The following UGT1A9 variants were observed in gnomAD, a reference collection of about 807,000 sequenced individuals.
The protein encoded by UGT1A9 is UDP-glucuronosyltransferase 1A9.
In UGT1A9, 35 loss-of-function variants were observed where a neutral mutation model predicts 45.0. The ratio of observed to expected loss-of-function variants is 0.78; its 90% CI spans 0.59 to 1.03. The LOEUF is 1.03. UGT1A9 is among the 50% of genes least tolerant of loss of function. UGT1A9 has a pLI of 0.00. For missense variants in UGT1A9, 687 were observed against 666.6 expected (o/e 1.03, Z -0.34); for synonymous variants, 278 against 250.6 (o/e 1.11, Z -1.03).
intron 1 of UGT1A9, chr2:233,689,912 C>T (rs1381963555): frequency 1.1e-5 from 5 of 456,566 alleles, no homozygotes; most frequent in Admixed American, 2.3e-5. Context: ...CAGGTAGGTG[C>T]CTGGAATTTC....
intron 1 of UGT1A9, among the ~76,000 whole-genome samples, chr2:233,732,486 A>G (rs780972639): frequency 6.6e-6 from 1 of 152,226 alleles, no homozygotes; most frequent in Non-Finnish European, 1.5e-5. Context: ...TAATTTTTGT[A>G]TAAGGCGTAA....
At chr2:233,693,048 T>C in intron 1 of UGT1A9, 1 of 1,614,120 alleles carries the variant, frequency 6.2e-7, no homozygotes, top group Non-Finnish European at 8.5e-7. Context: ...TCTGCAGGGG[T>C]TTTCTTCTTA....
intron 1 of UGT1A9, chr2:233,690,535 C>T (rs145397540): frequency 7.8e-7 from 1 of 1,289,774 alleles, no homozygotes; most frequent in African/African-American, 1.5e-5. Flanking sequence ...ACTTCTTTCA[C>T]CCCACTGGAA....
chr2:233,757,537 T>TATATATACATATACATATAC (rs1472416448), intron 1 of UGT1A9, among the ~76,000 whole-genome samples: 1 of 107,778 alleles, frequency 9.3e-6, no homozygotes, highest in African/African-American at 4.7e-5. Flanking sequence ...CTGTAAGGAA[T>TATATATACATATACATATAC]ATATATATAT....
At chr2:233,760,288 A>T (rs1697385056) in intron 1 of UGT1A9, 1 of 1,613,272 alleles carries the variant, frequency 6.2e-7, no homozygotes, top group East Asian at 2.2e-5. Flanking sequence ...CAAAGGCGCC[A>T]TGGCTGTGGA....
Position 233,719,442 on chromosome 2 carries a change from C to A in UGT1A9, c.855+46653C>A, listed in dbSNP as rs1309137091. Reference sequence around the variant, plus strand: ...GACCAATTCAGACCACATGACATTCCTGCAAAGGGTCAAGAACATGCTCTA... The same window carrying A: ...GACCAATTCAGACCACATGACATTCATGCAAAGGGTCAAGAACATGCTCTA... On this transcript the variant is annotated intron_variant, in intron 1 of 4. Coordinates refer to ENST00000354728, the MANE Select transcript of UGT1A9 (RefSeq NM_021027.3). The A allele has an allele frequency of 1.5e-5, 25 of 1,613,838 alleles. No individual in the cohort carries two copies. The East Asian group carries it at 1.6e-4, about 10-fold the overall frequency.
rs1282215739 is a variant in UGT1A9 at position 233,675,414 on chromosome 2, G to A, written c.855+2625G>A. On this transcript the variant is annotated intron_variant, in intron 1 of 4. Coordinates refer to ENST00000354728, the MANE Select transcript of UGT1A9 (RefSeq NM_021027.3). ...TTTGAATTTTTGATGAGTTCCAACA[G>A]AATTAATGACTGGTTTTAGGTGAAA... is the stretch of plus-strand genomic sequence containing the variant. Among the ~76,000 whole-genome samples, 6 of 152,160 alleles carry A rather than the reference G, an allele frequency of 3.9e-5. No individual in the cohort carries two copies. In the East Asian group the frequency reaches 1.2e-3, roughly 29 times the overall value.
intron 1 of UGT1A9, among the ~76,000 whole-genome samples, chr2:233,726,737 G>T (rs1199458141): frequency 6.6e-6 from 1 of 152,134 alleles, no homozygotes; most frequent in Non-Finnish European, 1.5e-5. Flanking sequence ...TACTTTTGTG[G>T]GGCTGTGATT....
intron 1 of UGT1A9, among the ~76,000 whole-genome samples, chr2:233,751,496 T>G (rs189001401): frequency 2.2e-4 from 34 of 152,268 alleles, no homozygotes; most frequent in African/African-American, 7.9e-4. Context: ...GACATGAGAT[T>G]TGGGAGGGGC....
intron 1 of UGT1A9, among the ~76,000 whole-genome samples, chr2:233,739,652 T>C: frequency 6.6e-6 from 1 of 152,236 alleles, no homozygotes; most frequent in African/African-American, 2.4e-5. Context: ...CCAATTTCTG[T>C]ACCCCCATTG....
chr2:233,761,130 TC>T, intron 1 of UGT1A9: 1 of 1,614,212 alleles, frequency 6.2e-7, no homozygotes, highest in Non-Finnish European at 8.5e-7. Flanking sequence ...TCAACTGCCT[TC>T]ACCAAAATCC....
chr2:233,754,555 A>T (rs1416104293), intron 1 of UGT1A9: 3 of 389,270 alleles, frequency 7.7e-6, no homozygotes, highest in Non-Finnish European at 1.5e-5. Context: ...CTTGGTGTCA[A>T]TGGGGAGCAA....
chr2:233,752,290 C>T (rs1244302370), intron 1 of UGT1A9: 16 of 152,170 alleles, frequency 1.1e-4, no homozygotes, highest in Admixed American at 1.0e-3. Flanking sequence ...CTCACAGGGT[C>T]ATGCCTTTCC....
chr2:233,754,105 C>T (rs1695394703), intron 1 of UGT1A9, among the ~76,000 whole-genome samples: 1 of 152,196 alleles, frequency 6.6e-6, no homozygotes, highest in South Asian at 2.1e-4. Context: ...TCAACTCTTC[C>T]TACATCACGA....
Position 233,747,171 on chromosome 2 carries a change from A to G in UGT1A9, c.856-19863A>G, listed in dbSNP as rs1693579128. The G allele has an allele frequency of 1.1e-5, 18 of 1,596,132 alleles. No homozygotes were observed. In the South Asian group the frequency reaches 1.8e-4, roughly 16 times the overall value. ...GATGAAGAAAACAAATGTAGGAGGC[A>G]CAGCGTGGGGTGGACAGTCAGCTGT... On this transcript the variant is annotated intron_variant, in intron 1 of 4. Coordinates refer to ENST00000354728, the MANE Select transcript of UGT1A9 (RefSeq NM_021027.3).
chr2:233,698,542 G>A (rs1205861943), intron 1 of UGT1A9, among the ~76,000 whole-genome samples: 1 of 152,168 alleles, frequency 6.6e-6, no homozygotes, highest in Non-Finnish European at 1.5e-5. Flanking sequence ...CAGAACACGA[G>A]TGGCCAACAA....
chr2:233,768,017 T>G, intron 3 of UGT1A9, 81 bp downstream of exon 3: 1 of 1,613,870 alleles, frequency 6.2e-7, no homozygotes, highest in Admixed American at 1.7e-5. Flanking sequence ...TCTAAAGGAT[T>G]GTTGAGCTTG....
chr2:233,743,668 G>A (rs898129248), intron 1 of UGT1A9: 18 of 1,367,120 alleles, frequency 1.3e-5, no homozygotes, highest in African/African-American at 4.5e-5. Flanking sequence ...AGGGGTCCTC[G>A]AAGGGCCTGC....
At chr2:233,672,834 G>A in intron 1 of UGT1A9, 45 bp downstream of exon 1, 1 of 1,553,542 alleles carries the variant, frequency 6.4e-7, no homozygotes, top group Non-Finnish European at 8.7e-7. Context: ...TTCACCTTTG[G>A]AAATTAAAAA....
Sources: gnomAD v4.1 joint callset for allele counts (sites outside exome capture counted in the v4.1 genomes callset) on GRCh38, gnomAD v4.1.1 for gene constraint, MANE v1.5 for transcripts, NCBI Gene and HGNC (gene_info 2026-07-23, HGNC 2026-07-21) for gene names.